ADK: variants seen among roughly 807,000 people sequenced by gnomAD.
ADK encodes N6,N6-dimethyladenosine kinase.
A neutral mutation model predicts 44.7 loss-of-function variants in ADK; 24 were observed. The observed-to-expected ratio is 0.54, with a 90% CI of 0.39 to 0.76. ADK has a LOEUF of 0.76. Among genes scored for constraint, ADK ranks in the 30% least tolerant of loss-of-function variants. ADK has a pLI of 0.00. For missense variants in ADK, 321 were observed against 425.1 expected (o/e 0.76, Z 2.15); for synonymous variants, 128 against 142.6 (o/e 0.90, Z 0.73).
chr10:74,214,782 G>A (rs1317716099), intron 2 of ADK, among the ~76,000 whole-genome samples: 2 of 152,152 alleles, frequency 1.3e-5, no homozygotes, highest in Admixed American at 6.5e-5. Context: ...CATTTTATAG[G>A]GGTAGAAGAT....
At chr10:74,562,123 G>A (rs1850485123) in intron 7 of ADK, among the ~76,000 whole-genome samples, 1 of 152,148 alleles carries the variant, frequency 6.6e-6, no homozygotes, top group East Asian at 1.9e-4. Flanking sequence ...TGGTGAGCAT[G>A]ACAATCTAGT....
At chr10:74,160,951 A>C (rs1468816423) in intron 1 of ADK, among the ~76,000 whole-genome samples, 1 of 152,178 alleles carries the variant, frequency 6.6e-6, no homozygotes, top group Non-Finnish European at 1.5e-5. Context: ...AAAACCCGAC[A>C]ACCTCAGTCT....
rs145005552 is a variant in ADK at position 74,152,494 on chromosome 10, T to C, written c.65+1151T>C. Among the ~76,000 whole-genome samples the C allele has an allele frequency of 1.2e-4, 19 of 152,330 alleles. No homozygotes were observed. In the East Asian group the frequency reaches 3.7e-3, roughly 29 times the overall value. On this transcript the variant is annotated intron_variant, in intron 1 of 10. Transcript: ENST00000539909. ...CTGAGTTCAAGGCATGTGCTTTCCC[T>C]ACTCTGCCCTTTATTAGAGTATTTC...
At chr10:74,309,261 C>A (rs765898717) in intron 3 of ADK, among the ~76,000 whole-genome samples, 3 of 151,968 alleles carry the variant, frequency 2.0e-5, no homozygotes, top group African/African-American at 2.4e-5. Context: ...ATATAACTTA[C>A]AATAGTTGCC....
chr10:74,637,676 TTAGA>T (rs67870409), intron 9 of ADK, among the ~76,000 whole-genome samples: 1,907 of 152,344 alleles, frequency 0.013, 21 homozygotes, highest in Non-Finnish European at 0.019. Flanking sequence ...GTTGTTCAAA[TTAGA>T]TAGCCATTTG....
intron 7 of ADK, among the ~76,000 whole-genome samples, chr10:74,568,607 G>A (rs1316987693): frequency 2.0e-5 from 3 of 150,786 alleles, no homozygotes; most frequent in East Asian, 1.9e-4. Context: ...GCAGCCCTGA[G>A]GACTGCTGGT....
At chr10:74,218,838 A>T (rs1844171240) in intron 2 of ADK, among the ~76,000 whole-genome samples, 1 of 152,206 alleles carries the variant, frequency 6.6e-6, no homozygotes, top group South Asian at 2.1e-4. Flanking sequence ...TGTCACCACC[A>T]GGCCTGCCCT....
At chr10:74,608,589 TC>T (rs1430701116) in intron 9 of ADK, among the ~76,000 whole-genome samples, 5 of 152,126 alleles carry the variant, frequency 3.3e-5, no homozygotes, top group Non-Finnish European at 5.9e-5. Flanking sequence ...TACTGCCTGT[TC>T]CTTCCTCTGG....
chr10:74,530,332 A>G (rs1244083677), intron 7 of ADK, among the ~76,000 whole-genome samples: 1 of 152,152 alleles, frequency 6.6e-6, no homozygotes, highest in Non-Finnish European at 1.5e-5. Context: ...TTCCCCCCTC[A>G]AAAAAATAAA....
intron 2 of ADK, among the ~76,000 whole-genome samples, chr10:74,217,616 AC>A (rs950580518): frequency 3.3e-4 from 50 of 152,124 alleles, no homozygotes; most frequent in African/African-American, 1.2e-3. Context: ...ACTGGGAGGC[AC>A]CCCCCAGTAG....
chr10:74,698,580 G>A (rs936677392), intron 10 of ADK, among the ~76,000 whole-genome samples: 13 of 152,162 alleles, frequency 8.5e-5, no homozygotes, highest in Admixed American at 3.3e-4. Flanking sequence ...TTGAGATAGT[G>A]TCTCACTCTC....
rs76508051 is a variant in ADK at position 74,303,007 on chromosome 10, T to A, written c.195-11660T>A. On this transcript the variant is annotated intron_variant, in intron 3 of 10. Transcript: ENST00000539909. ...ATGTATATTTTGGCAAATGATATTG[T>A]TATGAAACATACTTTTGCATTAATA... Among the ~76,000 whole-genome samples, 148 of 152,344 alleles carry A rather than the reference T, an allele frequency of 9.7e-4. 1 individual carries two copies. The highest frequency in any genetic ancestry group is 3.4e-3 in the African/African-American group (142 of 41,570).
intron 3 of ADK, among the ~76,000 whole-genome samples, chr10:74,287,221 T>C (rs1192956544): frequency 6.6e-6 from 1 of 152,110 alleles, no homozygotes; most frequent in Admixed American, 6.6e-5. Flanking sequence ...TCCCAGCACT[T>C]TGGGAGACTG....
chr10:74,240,582 A>G (rs1182224157), intron 3 of ADK, among the ~76,000 whole-genome samples: 2 of 152,128 alleles, frequency 1.3e-5, no homozygotes, highest in Non-Finnish European at 2.9e-5. Flanking sequence ...AAATTAGCAA[A>G]TATTTTTTAG....
At chr10:74,585,576 C>T (rs542159330) in intron 7 of ADK, among the ~76,000 whole-genome samples, 107 of 152,168 alleles carry the variant, frequency 7.0e-4, no homozygotes, top group Non-Finnish European at 1.1e-3. Context: ...GCTGTACTCT[C>T]AGGGGAGCAG....
chr10:74,541,943 C>T (rs1849655998), intron 7 of ADK, among the ~76,000 whole-genome samples: 1 of 151,992 alleles, frequency 6.6e-6, no homozygotes, highest in African/African-American at 2.4e-5. Context: ...TTATTCACTT[C>T]AAAGTTACTA....
At chr10:74,391,793 C>T (rs939713744) in intron 4 of ADK, among the ~76,000 whole-genome samples, 3 of 151,852 alleles carry the variant, frequency 2.0e-5, no homozygotes, top group African/African-American at 7.3e-5. Flanking sequence ...ACATAGTCAA[C>T]CTCTAGAAAT....
intron 9 of ADK, among the ~76,000 whole-genome samples, chr10:74,627,654 G>A (rs1314575610): frequency 2.0e-5 from 3 of 151,184 alleles, no homozygotes; most frequent in African/African-American, 2.4e-5. Flanking sequence ...TTTCTGAGAC[G>A]GAGTCTCGCT....
At chr10:74,254,014 G>T (rs1444902014) in intron 3 of ADK, among the ~76,000 whole-genome samples, 1 of 152,038 alleles carries the variant, frequency 6.6e-6, no homozygotes, top group Admixed American at 6.6e-5. Flanking sequence ...TGATCCGCCC[G>T]CCTCAGCCTC....
Sources: allele counts gnomAD v4.1 joint callset (sites outside exome capture counted in the v4.1 genomes callset), GRCh38; gene constraint gnomAD v4.1.1; transcripts MANE v1.5; gene names NCBI Gene and HGNC (gene_info 2026-07-23, HGNC 2026-07-21).